The following GRK1 variants were observed in gnomAD, a reference collection of about 807,000 sequenced individuals.
The protein encoded by GRK1 is rhodopsin kinase GRK1.
A neutral mutation model predicts 41.7 loss-of-function variants in GRK1; 28 were observed. That is an observed-to-expected ratio of 0.67 (90% CI 0.50 to 0.92). The LOEUF (loss-of-function observed/expected upper bound fraction) is 0.92, where lower values mean the gene tolerates loss of function less well. Among genes scored for constraint, GRK1 ranks in the 40% least tolerant of loss-of-function variants. The pLI is 0.00. For synonymous variants in GRK1, 327 were observed against 286.7 expected (o/e 1.14, Z -1.42); for missense variants, 703 against 671.2 (o/e 1.05, Z -0.52).
chr13:113,667,600 T>C lies in GRK1; in HGVS notation c.214T>C (p.Phe72Leu), dbSNP rs1442326608. 1 of 1,613,594 alleles carries C rather than the reference T, an allele frequency of 6.2e-7. No homozygotes were observed. Among genetic ancestry groups the C allele is most frequent in the East Asian group, 2.2e-5 (1 of 44,886 alleles). ...GGAGCAGCCCATCGGCAAGAAGCTCTTTCAGCAGTTCCTACAATCGGCAGA... is the reference window on the plus strand; with the variant it reads ...GGAGCAGCCCATCGGCAAGAAGCTCCTTCAGCAGTTCCTACAATCGGCAGA... ...CLEQPIGKKL[F>L]QQFLQSAEKH... The change falls in exon 1 of 7, where the codon TTT (phenylalanine) becomes CTT (leucine). Residue 72 changes from phenylalanine (F) to leucine (L), a missense_variant. By Grantham distance (22) the Phe-to-Leu change is conservative. Transcript: ENST00000335678. The surrounding 1 kb of genome is among the most constrained non-coding windows in gnomAD (Gnocchi z 7.5).
chr13:113,655,790 C>G, the GRK1 span, among the ~76,000 whole-genome samples: 1 of 152,232 alleles, frequency 6.6e-6, no homozygotes, highest in Non-Finnish European at 1.5e-5. Flanking sequence ...GGCATGGATT[C>G]TGCTTAGTGA....
At chr13:113,655,050 G>A in the GRK1 span, 8 of 1,428,850 alleles carry the variant, frequency 5.6e-6, no homozygotes, top group Non-Finnish European at 7.6e-6. Context: ...TCCCTACCTA[G>A]TTCCAGAACA....
chr13:113,669,531 C>A, intron 1 of GRK1, 156 bp from the exon 2 acceptor site: 1 of 300,622 alleles, frequency 3.3e-6, no homozygotes, highest in Non-Finnish European at 4.9e-6. Context: ...GTTTTGAAGT[C>A]ATTTGCAATT....
At chr13:113,649,169 TAAGAATTCAACAAGG>T in the GRK1 span, 1 of 478,596 alleles carries the variant, frequency 2.1e-6, no homozygotes, top group East Asian at 3.9e-5. This position sits in a 1 kb window ranked among gnomAD's most constrained non-coding sequence, Gnocchi z 4.7. Context: ...CTAAAAACTG[TAAGAATTCAACAAGG>T]AAGAACTGAT....
intron 3 of GRK1, among the ~76,000 whole-genome samples, chr13:113,672,324 G>A (rs1033739066): frequency 7.2e-4 from 66 of 92,052 alleles, no homozygotes; most frequent in African/African-American, 2.7e-3. Context: ...TGGTCACTTG[G>A]TATGTGTATG....
chr13:113,732,271 T>A (rs2049942806), intron 5 of GRK1, among the ~76,000 whole-genome samples: 1 of 152,090 alleles, frequency 6.6e-6, no homozygotes, highest in Admixed American at 6.5e-5. Context: ...CCTTCTGACT[T>A]CCCTGGACAT....
chr13:113,668,729 G>T (rs1230542087), intron 1 of GRK1, among the ~76,000 whole-genome samples: 1 of 152,230 alleles, frequency 6.6e-6, no homozygotes, highest in African/African-American at 2.4e-5. Context: ...AGGGGCAGCG[G>T]CTGTGCCGGG....
chr13:113,649,475 C>T, the GRK1 span: 2 of 1,557,714 alleles, frequency 1.3e-6, no homozygotes, highest in Non-Finnish European at 1.7e-6. The surrounding 1 kb of genome is among the most constrained non-coding windows in gnomAD (Gnocchi z 4.7). Flanking sequence ...ACGATGGCGA[C>T]CTCAGCGTTC....
At chr13:113,653,697 G>A in the GRK1 span, among the ~76,000 whole-genome samples, 2 of 152,348 alleles carry the variant, frequency 1.3e-5, no homozygotes, top group South Asian at 2.1e-4. Flanking sequence ...TCTCTCCACC[G>A]GGTGCCTGCT....
At chr13:113,658,116 C>T in the GRK1 span, 2 of 1,613,076 alleles carry the variant, frequency 1.2e-6, no homozygotes, top group South Asian at 1.1e-5. Context: ...GCGCTGGCCA[C>T]ACGTCTTCTT....
chr13:113,733,735 G>A (rs1167279742), intron 6 of GRK1, among the ~76,000 whole-genome samples: 1 of 121,018 alleles, frequency 8.3e-6, no homozygotes, highest in East Asian at 2.0e-4. Context: ...GCGCGCGTGT[G>A]TATGTGTGCA....
chr13:113,667,240 A>G lies in GRK1; in HGVS notation c.-147A>G. The G allele has an allele frequency of 1.3e-6, 1 of 796,952 alleles. No homozygotes were observed. Among genetic ancestry groups the G allele is most frequent in the East Asian group, 2.7e-5 (1 of 36,982 alleles). The allele number at this position is 796,952 out of a possible 1,614,324, so 49.4% of individuals were successfully genotyped here. ...TCCCAGTGGTCCCCAGGAACCCTCG[A>G]CAGGGCCAGGGCGTCTCTCTCGTCC... is the stretch of plus-strand genomic sequence containing the variant. On this transcript the variant is annotated 5_prime_UTR_variant, in exon 1 of 7. Coordinates refer to ENST00000335678, the MANE Select transcript of GRK1 (RefSeq NM_002929.3). This position sits in a 1 kb window ranked among gnomAD's most constrained non-coding sequence, Gnocchi z 7.5.
chr13:113,734,091 T>C (rs1223286080), intron 6 of GRK1, among the ~76,000 whole-genome samples: 1 of 152,214 alleles, frequency 6.6e-6, no homozygotes, highest in Admixed American at 6.5e-5. Flanking sequence ...TGTGTGTTCA[T>C]GCACTTTTGC....
At position 113,671,408 on chromosome 13, in the gene GRK1, G is replaced by C. The variant is rs188354349; in HGVS notation, c.828-91G>C. The C allele has an allele frequency of 2.1e-3, 1,564 of 755,210 alleles. 10 individuals carry two copies. Among genetic ancestry groups the C allele is most frequent in the Middle Eastern group, 9.1e-3 (40 of 4,392 alleles). The allele number at this position is 755,210 out of a possible 1,614,324, so 46.8% of individuals were successfully genotyped here. ...TCAAAACGACCAGAACGCTGGCCGAGAGACATGGTTCTGAGGCCCCAGCTC... is the reference window on the plus strand; with the variant it reads ...TCAAAACGACCAGAACGCTGGCCGACAGACATGGTTCTGAGGCCCCAGCTC... On this transcript the variant is annotated intron_variant, in intron 2 of 6. Transcript: ENST00000335678. This position sits in a 1 kb window ranked among gnomAD's most constrained non-coding sequence, Gnocchi z 4.1.
At chr13:113,656,145 G>C in the GRK1 span, among the ~76,000 whole-genome samples, 1 of 152,208 alleles carries the variant, frequency 6.6e-6, no homozygotes, top group South Asian at 2.1e-4. Context: ...CAGTGGTGGA[G>C]GGTTTCTGTC....
At chr13:113,729,654 C>T (rs186202671) in intron 4 of GRK1, among the ~76,000 whole-genome samples, 139 of 152,308 alleles carry the variant, frequency 9.1e-4, no homozygotes, top group East Asian at 6.7e-3. Context: ...GCAAAGGTGA[C>T]CTTGGCAGAT....
chr13:113,727,867 C>T (rs1383615812), intron 4 of GRK1, among the ~76,000 whole-genome samples: 1 of 82,964 alleles, frequency 1.2e-5, no homozygotes, highest in Non-Finnish European at 2.9e-5. Flanking sequence ...GTACCCATGG[C>T]GATGAGTACC....
upstream of GRK1, among the ~76,000 whole-genome samples, chr13:113,665,925 T>C (rs1277924412): frequency 3.0e-5 from 4 of 133,116 alleles, no homozygotes; most frequent in Admixed American, 3.0e-4. Context: ...GCATTTCAGG[T>C]GTCTCAGGTG....
chr13:113,737,382 G>A lies in GRK1; in HGVS notation c.*2019G>A, dbSNP rs1459642927. 8.5e-5 allele frequency: 10 copies of A among 117,440 alleles called. No homozygotes were observed. Among genetic ancestry groups the A allele is most frequent in the African/African-American group, 1.9e-4 (5 of 26,738 alleles). The allele number at this position is 117,440 out of a possible 1,614,324, so 7.3% of individuals were successfully genotyped here. A position where few individuals can be genotyped will look rare whatever the true frequency, so the allele number is the denominator to read the frequency against. On this transcript the variant is annotated 3_prime_UTR_variant, in exon 7 of 7. Coordinates refer to ENST00000335678, the MANE Select transcript of GRK1 (RefSeq NM_002929.3). Reference sequence around the variant, plus strand: ...GAGCATGTCTTCCCATAGATCCCACGTCGGCCACACCCTGGGTGAGGAGCA... The same window carrying A: ...GAGCATGTCTTCCCATAGATCCCACATCGGCCACACCCTGGGTGAGGAGCA...
Sources: gnomAD v4.1 joint callset for allele counts (sites outside exome capture counted in the v4.1 genomes callset) on GRCh38, gnomAD v4.1.1 for gene constraint, Gnocchi (gnomAD v3.1) non-coding constraint, MANE v1.5 for transcripts, NCBI Gene and HGNC (gene_info 2026-07-23, HGNC 2026-07-21) for gene names.